The following SLC41A2 variants were observed in gnomAD, a reference collection of about 807,000 sequenced individuals.
The protein encoded by SLC41A2 is solute carrier family 41 member 2.
In SLC41A2, 32 loss-of-function variants were observed where a neutral mutation model predicts 58.3. The ratio of observed to expected loss-of-function variants is 0.55; its 90% CI spans 0.41 to 0.74. The LOEUF is 0.74. SLC41A2 is among the 30% of genes least tolerant of loss of function. The pLI, the probability that SLC41A2 is intolerant of heterozygous loss-of-function variation, is 0.00. For synonymous variants in SLC41A2, 190 were observed against 235.0 expected (o/e 0.81, Z 1.75); for missense variants, 514 against 680.6 (o/e 0.76, Z 2.72).
chr12:104,805,432 C>A (rs2040858379), intron 10 of SLC41A2, 95 bp from the exon 11 acceptor site: 4 of 916,484 alleles, frequency 4.4e-6, no homozygotes, highest in Non-Finnish European at 6.4e-6. Flanking sequence ...CTGGAAGGGA[C>A]CGTATGTGTC....
intron 3 of SLC41A2, among the ~76,000 whole-genome samples, chr12:104,908,024 G>A (rs781128279): frequency 6.6e-6 from 1 of 152,144 alleles, no homozygotes; most frequent in Non-Finnish European, 1.5e-5. Context: ...CAGCACTTTG[G>A]GTGGCAGAGG....
chr12:104,895,470 T>C, intron 3 of SLC41A2, 125 bp from the exon 4 acceptor site: 1 of 659,892 alleles, frequency 1.5e-6, no homozygotes, highest in Non-Finnish European at 2.6e-6. Context: ...GCTCACATTG[T>C]ACTTTGAAAA....
At chr12:104,845,450 C>A (rs1212503308) in intron 9 of SLC41A2, among the ~76,000 whole-genome samples, 2 of 152,104 alleles carry the variant, frequency 1.3e-5, no homozygotes, top group African/African-American at 2.4e-5. Flanking sequence ...ATGCACTGTT[C>A]CTTGAAATCG....
At chr12:104,858,667 A>G (rs976110300) in intron 8 of SLC41A2, among the ~76,000 whole-genome samples, 4 of 152,204 alleles carry the variant, frequency 2.6e-5, no homozygotes, top group African/African-American at 9.7e-5. Context: ...GTGTACCACC[A>G]TGCCCGGCTA....
At chr12:104,820,854 A>G (rs968305802) in intron 10 of SLC41A2, among the ~76,000 whole-genome samples, 2 of 152,180 alleles carry the variant, frequency 1.3e-5, no homozygotes, top group Non-Finnish European at 2.9e-5. Flanking sequence ...CATGTTGGCC[A>G]GGCTGGTCTT....
intron 1 of SLC41A2, among the ~76,000 whole-genome samples, chr12:104,930,582 G>T (rs755901471): frequency 4.2e-4 from 64 of 152,168 alleles, no homozygotes; most frequent in Non-Finnish European, 8.7e-4. Flanking sequence ...TTCCATAGGA[G>T]GACCAGTGAT....
At chr12:104,923,645 T>A (rs768047082) in intron 2 of SLC41A2, among the ~76,000 whole-genome samples, 2 of 152,036 alleles carry the variant, frequency 1.3e-5, no homozygotes, top group African/African-American at 2.4e-5. Context: ...TCATAACAAC[T>A]GAGACCACAA....
chr12:104,872,801 A>G (rs1028311835), intron 6 of SLC41A2, among the ~76,000 whole-genome samples: 2 of 152,244 alleles, frequency 1.3e-5, no homozygotes, highest in African/African-American at 4.8e-5. Context: ...TACATGTATG[A>G]AAGCTAACAG....
intron 8 of SLC41A2, among the ~76,000 whole-genome samples, chr12:104,861,070 C>T (rs2043197209): frequency 6.6e-6 from 1 of 152,108 alleles, no homozygotes; most frequent in Non-Finnish European, 1.5e-5. Flanking sequence ...ACTAGTAGTT[C>T]ATGATAAGAT....
chr12:104,920,190 T>C (rs1021184450), intron 2 of SLC41A2, among the ~76,000 whole-genome samples: 6 of 152,232 alleles, frequency 3.9e-5, no homozygotes, highest in African/African-American at 1.4e-4. Context: ...CTATCCATCC[T>C]CTAATATCAT....
At chr12:104,911,086 T>A (rs990127518) in intron 2 of SLC41A2, among the ~76,000 whole-genome samples, 3 of 152,234 alleles carry the variant, frequency 2.0e-5, no homozygotes, top group African/African-American at 4.8e-5. Context: ...CTTCAAATAA[T>A]TTAATTCTTT....
At chr12:104,931,299 C>T (rs1390860949) in intron 1 of SLC41A2, among the ~76,000 whole-genome samples, 1 of 152,204 alleles carries the variant, frequency 6.6e-6, no homozygotes, top group African/African-American at 2.4e-5. Context: ...ATCTCCATTA[C>T]CTATGGTAAA....
At chr12:104,835,648 T>G (rs1029416742) in intron 10 of SLC41A2, among the ~76,000 whole-genome samples, 1 of 152,158 alleles carries the variant, frequency 6.6e-6, no homozygotes, top group African/African-American at 2.4e-5. Context: ...AGGAGATATT[T>G]ATGTGCTTGG....
intron 10 of SLC41A2, among the ~76,000 whole-genome samples, chr12:104,820,287 G>A (rs781435174): frequency 6.6e-6 from 1 of 152,286 alleles, no homozygotes; most frequent in Middle Eastern, 3.4e-3. Context: ...GCAACATGAT[G>A]AGACCCTGTG....
At chr12:104,885,240 C>T (rs1478204890) in intron 6 of SLC41A2, among the ~76,000 whole-genome samples, 1 of 152,144 alleles carries the variant, frequency 6.6e-6, no homozygotes, top group East Asian at 1.9e-4. Flanking sequence ...GAGAAATATT[C>T]CTTGAACATA....
chr12:104,876,338 G>A (rs2044039832), intron 6 of SLC41A2, among the ~76,000 whole-genome samples: 1 of 152,000 alleles, frequency 6.6e-6, no homozygotes, highest in Non-Finnish European at 1.5e-5. Context: ...TCCTTGAGGT[G>A]TAACATTAGC....
chr12:104,938,465 A>T (rs2047370002), intron 1 of SLC41A2, among the ~76,000 whole-genome samples: 1 of 152,210 alleles, frequency 6.6e-6, no homozygotes, highest in Admixed American at 6.5e-5. Flanking sequence ...CTACTTCCTC[A>T]TCTCCATTAG....
chr12:104,943,121 C>A (rs1331712589), intron 1 of SLC41A2, among the ~76,000 whole-genome samples: 1 of 151,528 alleles, frequency 6.6e-6, no homozygotes, highest in Non-Finnish European at 1.5e-5. Context: ...TTTTAAGGTG[C>A]AGAAAAGATG....
At chr12:104,947,065 C>T (rs2135966213) in intron 1 of SLC41A2, among the ~76,000 whole-genome samples, 1 of 152,220 alleles carries the variant, frequency 6.6e-6, no homozygotes, top group African/African-American at 2.4e-5. Flanking sequence ...ACTATTATTA[C>T]ACATTTTTTA....
Sources: gnomAD v4.1 joint callset for allele counts (sites outside exome capture counted in the v4.1 genomes callset) on GRCh38, gnomAD v4.1.1 for gene constraint, MANE v1.5 for transcripts, NCBI Gene and HGNC (gene_info 2026-07-23, HGNC 2026-07-21) for gene names.